GRAMD2B: variants seen among roughly 807,000 people sequenced by gnomAD.
The protein encoded by GRAMD2B is GRAM domain-containing protein 2B.
In GRAMD2B, 41 loss-of-function variants were observed where a neutral mutation model predicts 59.2. That is an observed-to-expected ratio of 0.69 (90% CI 0.54 to 0.90). The LOEUF is 0.90. Among genes scored for constraint, GRAMD2B ranks in the 40% least tolerant of loss-of-function variants. GRAMD2B has a pLI of 0.00. For synonymous variants in GRAMD2B, 161 were observed against 182.7 expected (o/e 0.88, Z 0.96); for missense variants, 424 against 500.5 (o/e 0.85, Z 1.46).
chr5:126,423,597 CA>C lies in GRAMD2B; in HGVS notation c.-9del, dbSNP rs762121767. 2.0e-5 allele frequency: 33 copies of C among 1,610,744 alleles called. No individual in the cohort carries two copies. Among genetic ancestry groups the C allele is most frequent in the Non-Finnish European group, 2.8e-5 (33 of 1,178,882 alleles). ...CGGAAGTCTGAAGGTGCCCTCCAGA[CA>C]CGGCCCCGATGACTGAACTACAGCA... On this transcript the variant is annotated 5_prime_UTR_variant, in exon 1 of 14. Coordinates refer to ENST00000285689, the MANE Select transcript of GRAMD2B (RefSeq NM_023927.4).
intron 1 of GRAMD2B, among the ~76,000 whole-genome samples, chr5:126,443,770 C>T (rs12332090): frequency 3.9e-5 from 6 of 152,232 alleles, no homozygotes; most frequent in Admixed American, 2.0e-4. Flanking sequence ...CAGAGGCCAG[C>T]TGGGTGCTGT....
At chr5:126,404,638 G>A (rs928929948) in intron 1 of GRAMD2B, among the ~76,000 whole-genome samples, 21 of 151,830 alleles carry the variant, frequency 1.4e-4, no homozygotes, top group Admixed American at 2.6e-4. Flanking sequence ...TGATAGAGTC[G>A]TTAACTGGGA....
At chr5:126,375,159 TTTG>T in intron 1 of GRAMD2B, among the ~76,000 whole-genome samples, 1 of 152,316 alleles carries the variant, frequency 6.6e-6, no homozygotes, top group South Asian at 2.1e-4. Context: ...ATTTTACACC[TTTG>T]TTGTTATTGT....
intron 1 of GRAMD2B, 129 bp downstream of exon 1, chr5:126,423,818 TCTCTCTGTCTCTCA>T (rs1760097587): frequency 1.4e-6 from 1 of 730,778 alleles, no homozygotes; most frequent in African/African-American, 1.9e-5. Flanking sequence ...TGTGGCGCGC[TCTCTCTGTCTCTCA>T]CTCTCTCTCT....
At chr5:126,428,826 C>A (rs1332783094) in intron 1 of GRAMD2B, among the ~76,000 whole-genome samples, 2 of 152,078 alleles carry the variant, frequency 1.3e-5, no homozygotes, top group Non-Finnish European at 2.9e-5. Context: ...CAAATCAAAA[C>A]CACAATGAAA....
At chr5:126,472,115 G>A (rs781623494) in intron 3 of GRAMD2B, 123 bp from the exon 4 acceptor site, 1 of 708,078 alleles carries the variant, frequency 1.4e-6, no homozygotes, top group Admixed American at 2.2e-5. Flanking sequence ...GAGACTGTAA[G>A]ATCAGTGAGA....
At chr5:126,484,545 G>T (rs560794613) in intron 10 of GRAMD2B, 21 bp downstream of exon 10, 15 of 1,596,828 alleles carry the variant, frequency 9.4e-6, no homozygotes, top group Non-Finnish European at 1.3e-5. Context: ...GATGTCTCAG[G>T]GGGGTGGGTT....
chr5:126,417,343 C>A (rs1207784496), intron 1 of GRAMD2B, among the ~76,000 whole-genome samples: 1 of 152,160 alleles, frequency 6.6e-6, no homozygotes, highest in Non-Finnish European at 1.5e-5. Flanking sequence ...TAAAAAAAAT[C>A]CAACTGTACT....
intron 1 of GRAMD2B, among the ~76,000 whole-genome samples, chr5:126,394,029 C>T (rs941768965): frequency 6.6e-6 from 1 of 152,114 alleles, no homozygotes; most frequent in Non-Finnish European, 1.5e-5. Flanking sequence ...TAGCCCAGCA[C>T]TTCGGGAGGC....
chr5:126,447,165 C>T (rs191319629), intron 1 of GRAMD2B, among the ~76,000 whole-genome samples: 7 of 152,300 alleles, frequency 4.6e-5, no homozygotes, highest in South Asian at 2.1e-4. Flanking sequence ...GAAGGGCAGG[C>T]GGTTGCCTCA....
chr5:126,408,518 T>TG (rs948587870), intron 1 of GRAMD2B, among the ~76,000 whole-genome samples: 3 of 151,642 alleles, frequency 2.0e-5, no homozygotes, highest in African/African-American at 4.8e-5. Flanking sequence ...TTTGTTTGGT[T>TG]GGTTGTTTTT....
intron 1 of GRAMD2B, among the ~76,000 whole-genome samples, chr5:126,412,211 T>G (rs1185617727): frequency 6.6e-6 from 1 of 152,020 alleles, no homozygotes; most frequent in Non-Finnish European, 1.5e-5. Flanking sequence ...ATGCTTTCAG[T>G]TTTTGCCTGT....
At chr5:126,484,619 C>T (rs1284105122) in intron 10 of GRAMD2B, 95 bp downstream of exon 10, 67 of 1,290,562 alleles carry the variant, frequency 5.2e-5, no homozygotes, top group Non-Finnish European at 7.0e-5. Context: ...CTTGCTCTAT[C>T]ACCCAGGCTG....
intron 1 of GRAMD2B, among the ~76,000 whole-genome samples, chr5:126,384,109 A>G (rs894758594): frequency 3.9e-5 from 6 of 152,076 alleles, no homozygotes; most frequent in Non-Finnish European, 7.4e-5. Context: ...AAAAAACTCT[A>G]CTTTACTAAA....
At position 126,486,912 on chromosome 5, in the gene GRAMD2B, C is replaced by T. The variant is rs1561613475; in HGVS notation, c.1098C>T (p.Tyr366=). Residue 366 remains tyrosine, a synonymous_variant, in exon 12 of 14, where the codon TAC becomes TAT. Transcript: ENST00000285689. Reference sequence around the variant, plus strand: ...TCATCTCGACCTTCTACATGAGATACAGAATTAATACTCTGGAGGAGCAGC... The same window carrying T: ...TCATCTCGACCTTCTACATGAGATATAGAATTAATACTCTGGAGGAGCAGC... ...ALIISTFYMR[Y]RINTLEEQLG... is the part of the protein sequence containing the mutation. 1 of 1,612,438 alleles carries T rather than the reference C, an allele frequency of 6.2e-7. No homozygotes were observed. The highest frequency in any genetic ancestry group is 2.2e-5 in the East Asian group (1 of 44,822).
chr5:126,409,933 T>TGTTAA, intron 1 of GRAMD2B, among the ~76,000 whole-genome samples: 1 of 18,582 alleles, frequency 5.4e-5, no homozygotes, highest in Non-Finnish European at 1.1e-4. Flanking sequence ...CAGCACCATT[T>TGTTAA]ATTAAATAGG....
chr5:126,415,789 C>T lies in GRAMD2B; in HGVS notation c.125+44222C>T, dbSNP rs970451388. Among the ~76,000 whole-genome samples, 8 of 151,370 alleles carry T rather than the reference C, an allele frequency of 5.3e-5. No individual in the cohort carries two copies. The East Asian group carries it at 9.7e-4, about 18-fold the overall frequency. ...AGAGAAAAGACTGGAGAAAAGATAACGAAATGCTGTAATAATAGAAGTTGT... is the reference window on the plus strand; with the variant it reads ...AGAGAAAAGACTGGAGAAAAGATAATGAAATGCTGTAATAATAGAAGTTGT... On this transcript the variant is annotated intron_variant, in intron 1 of 8. Coordinates refer to the GRAMD2B transcript ENST00000506445.
At chr5:126,480,885 T>C in intron 8 of GRAMD2B, 178 bp downstream of exon 8, 1 of 598,032 alleles carries the variant, frequency 1.7e-6, no homozygotes, top group Non-Finnish European at 3.0e-6. Context: ...AGCCATAAAC[T>C]TTTTCCAAGT....
At chr5:126,469,238 T>C (rs1769076262) in intron 2 of GRAMD2B, among the ~76,000 whole-genome samples, 1 of 152,226 alleles carries the variant, frequency 6.6e-6, no homozygotes, top group Non-Finnish European at 1.5e-5. Context: ...TGTGTAAATA[T>C]TCTCAGAGTA....
Sources: allele counts gnomAD v4.1 joint callset (sites outside exome capture counted in the v4.1 genomes callset), GRCh38; gene constraint gnomAD v4.1.1; transcripts MANE v1.5; gene names NCBI Gene and HGNC (gene_info 2026-07-23, HGNC 2026-07-21).